PALB2: variants seen among roughly 807,000 people sequenced by gnomAD.
The protein encoded by PALB2 is partner and localizer of BRCA2, also known as mutant partner and localizer of BRCA2.
In PALB2, 82 loss-of-function variants were observed where a neutral mutation model predicts 107.4. That is an observed-to-expected ratio of 0.76 (90% CI 0.64 to 0.92). The LOEUF is 0.92. PALB2 is among the 40% of genes least tolerant of loss of function. The pLI is 0.00. For synonymous variants in PALB2, 489 were observed against 496.8 expected (o/e 0.98, Z 0.21); for missense variants, 1,374 against 1,379.9 (o/e 1.00, Z 0.07).
At chr16:23,614,996 C>G (rs1461673416) in intron 10 of PALB2, among the ~76,000 whole-genome samples, 1 of 138,774 alleles carries the variant, frequency 7.2e-6, no homozygotes, top group Non-Finnish European at 1.5e-5. Context: ...GTCACCCAGG[C>G]TGAGTGCAGT....
rs1411473287 is a variant in PALB2, at chr16:23,620,749, GGTAAGTCAA to G, written c.3113+604_3113+612del. 2.6e-5 allele frequency among the ~76,000 whole-genome samples: 4 copies of G among 152,022 alleles called. No homozygotes were observed. The East Asian group carries it at 7.7e-4, about 29-fold the overall frequency. On this transcript the variant is annotated intron_variant, in intron 10 of 12. Coordinates refer to ENST00000261584, the MANE Select transcript of PALB2 (RefSeq NM_024675.4). ...ATGTCTCAATTAATATGATGTTGTT[GGTAAGTCAA>G]GTATATAGTATCTGACAAAAAAACC...
At chr16:23,619,119 A>C (rs1250826373) in intron 10 of PALB2, among the ~76,000 whole-genome samples, 1 of 152,216 alleles carries the variant, frequency 6.6e-6, no homozygotes, top group Non-Finnish European at 1.5e-5. Flanking sequence ...GGTCACACTA[A>C]TATAACTTCC....
chr16:23,639,543 G>T (rs991205192), intron 1 of PALB2, among the ~76,000 whole-genome samples: 2 of 149,324 alleles, frequency 1.3e-5, no homozygotes, highest in Non-Finnish European at 3.0e-5. Flanking sequence ...AAAAAGGCCG[G>T]GTGCAGTGGC....
At chr16:23,618,766 T>C (rs1966725241) in intron 10 of PALB2, among the ~76,000 whole-genome samples, 1 of 152,120 alleles carries the variant, frequency 6.6e-6, no homozygotes, top group Non-Finnish European at 1.5e-5. Context: ...AGGAGACAGA[T>C]AATGAAGGTG....
At chr16:23,615,376 C>T (rs1361009676) in intron 10 of PALB2, among the ~76,000 whole-genome samples, 1 of 152,178 alleles carries the variant, frequency 6.6e-6, no homozygotes, top group Admixed American at 6.6e-5. Context: ...GTGATCATGA[C>T]TCACCGTAGC....
At chr16:23,609,946 G>A (rs1334182074) in intron 11 of PALB2, among the ~76,000 whole-genome samples, 2 of 152,114 alleles carry the variant, frequency 1.3e-5, no homozygotes, top group Non-Finnish European at 2.9e-5. Context: ...CCAAAGCACT[G>A]GAATTACAGC....
rs1966853060 is a variant in PALB2, at chr16:23,629,061, A to T, written c.2586+143T>A. On this transcript the variant is annotated intron_variant, in intron 6 of 12. Coordinates refer to ENST00000261584, the MANE Select transcript of PALB2 (RefSeq NM_024675.4). ...GAGGTAAATATTGGGAAAAATAACC[A>T]ATCCAAATCTGTTTTTCTGAATCTG... 11 of 718,172 alleles carry T rather than the reference A, an allele frequency of 1.5e-5. No individual in the cohort carries two copies. In the East Asian group the frequency reaches 3.0e-4, roughly 19 times the overall value. The allele number at this position is 718,172 out of a possible 1,614,324, so 44.5% of individuals were successfully genotyped here. A position where few individuals can be genotyped will look rare whatever the true frequency, so the allele number is the denominator to read the frequency against.
At chr16:23,604,548 C>T (rs1161483900) in intron 12 of PALB2, among the ~76,000 whole-genome samples, 1 of 152,148 alleles carries the variant, frequency 6.6e-6, no homozygotes, top group Non-Finnish European at 1.5e-5. Context: ...GGGTGGATCA[C>T]CTGAGGTTGG....
intron 6 of PALB2, among the ~76,000 whole-genome samples, chr16:23,628,725 T>C (rs1966852055): frequency 6.6e-6 from 1 of 151,694 alleles, no homozygotes; most frequent in African/African-American, 2.4e-5. Flanking sequence ...AACGTCTGTC[T>C]CCCAGTTCAA....
In PALB2 at chr16:23,629,799, TGG is replaced by T. The variant is rs2142374907; in HGVS notation, c.2353_2354del (p.Pro785ThrfsTer16). 1 of 1,614,212 alleles carries T rather than the reference TGG, an allele frequency of 6.2e-7. No individual in the cohort carries two copies. The highest frequency in any genetic ancestry group is 1.1e-5 in the South Asian group (1 of 91,082). On this transcript the variant is annotated frameshift_variant, in exon 5 of 13. Coordinates refer to ENST00000261584, the MANE Select transcript of PALB2 (RefSeq NM_024675.4). LOFTEE classifies it high-confidence loss of function. ...QFDSSGSPAK[P>X]HTTLQVSGRQ... ...TGCCTGACACTTGCAGGGTGGTATGTGGTTTTGCTGGGCTGCCTGAACTGTCG... is the reference window on the plus strand; with the variant it reads ...TGCCTGACACTTGCAGGGTGGTATGTTTTTGCTGGGCTGCCTGAACTGTCG...
chr16:23,613,930 G>T, intron 11 of PALB2, 74 bp downstream of exon 11: 1 of 1,118,510 alleles, frequency 8.9e-7, no homozygotes. Flanking sequence ...GTTCATTACT[G>T]CTTATGACTT....
rs559280197 is a variant in PALB2, at chr16:23,641,294, A to G, written c.-137T>C. The G allele has an allele frequency of 3.3e-6, 4 of 1,211,126 alleles. No individual in the cohort carries two copies. In the Admixed American group the frequency reaches 8.8e-5, roughly 27 times the overall value. The allele number at this position is 1,211,126 out of a possible 1,614,324, so 75.0% of individuals were successfully genotyped here. ...GGGATCGCACCCTCAGTGCGCGATC[A>G]GCTGACCCACGCGGGCCAAGCGCGC... On this transcript the variant is annotated 5_prime_UTR_variant, in exon 1 of 13. Coordinates refer to ENST00000261584, the MANE Select transcript of PALB2 (RefSeq NM_024675.4).
intron 4 of PALB2, among the ~76,000 whole-genome samples, chr16:23,633,341 G>A (rs1048466044): frequency 2.6e-5 from 4 of 152,118 alleles, no homozygotes; most frequent in African/African-American, 7.2e-5. Flanking sequence ...TGCATATAAA[G>A]GTGCGTTGGA....
At position 23,629,932 on chromosome 16, in the gene PALB2, C is replaced by T. The variant is rs755907224; in HGVS notation, c.2222G>A (p.Gly741Asp). The T allele has an allele frequency of 6.2e-7, 1 of 1,614,070 alleles. No individual in the cohort carries two copies. Among genetic ancestry groups the T allele is most frequent in the East Asian group, 2.2e-5 (1 of 44,880 alleles). Residue 741 changes from glycine (G) to aspartate (D), a missense_variant, in exon 5 of 13, where the codon GGC becomes GAC. Physicochemically the swap from Gly to Asp is moderately conservative, Grantham distance 94. Transcript: ENST00000261584. The part of the protein sequence containing the change: ...LGTTPAFGPQ[G>D]SYEKASTEVA... ...TTCTGTAGATGCTTTTTCATAGGAG[C>T]CTTGAGGGCCAAAGGCTGGAGTAGT... is the stretch of plus-strand genomic sequence containing the variant.
chr16:23,610,354 G>A (rs1247524601), intron 11 of PALB2, among the ~76,000 whole-genome samples: 5 of 149,802 alleles, frequency 3.3e-5, no homozygotes, highest in Admixed American at 2.7e-4. Flanking sequence ...TTTTCGCCAG[G>A]CTGGAGTGCA....
At chr16:23,604,734 C>G (rs1449378943) in intron 12 of PALB2, among the ~76,000 whole-genome samples, 1 of 150,876 alleles carries the variant, frequency 6.6e-6, no homozygotes, top group African/African-American at 2.4e-5. Flanking sequence ...CCACTGCACT[C>G]CAACCTGGGC....
At position 23,633,950 on chromosome 16, in the gene PALB2, C is replaced by T. The variant is rs373803236; in HGVS notation, c.1684+912G>A. ...TCTCAAACTCCTGGGCTCAAGCAATCCTCCCACCTTGGCCTCCCGAAGTGC... is the reference window on the plus strand; with the variant it reads ...TCTCAAACTCCTGGGCTCAAGCAATTCTCCCACCTTGGCCTCCCGAAGTGC... On this transcript the variant is annotated intron_variant, in intron 4 of 12. Transcript: ENST00000261584. Among the ~76,000 whole-genome samples the T allele has an allele frequency of 1.3e-4, 20 of 152,228 alleles. No individual in the cohort carries two copies. The East Asian group carries it at 1.5e-3, about 12-fold the overall frequency.
In PALB2 at chr16:23,641,222, A is replaced by C. The variant is rs1967241542; in HGVS notation, c.-65T>G. 13 of 1,585,912 alleles carry C rather than the reference A, an allele frequency of 8.2e-6. No homozygotes were observed. The highest frequency in any genetic ancestry group is 1.0e-5 in the Non-Finnish European group (12 of 1,165,178). On this transcript the variant is annotated 5_prime_UTR_variant, in exon 1 of 13. Coordinates refer to ENST00000261584, the MANE Select transcript of PALB2 (RefSeq NM_024675.4). ...CCCAGGCCTGCCGACACCGGGACCC[A>C]GTTGGCCCTGGGCCGGGGAGGCGCC...
In PALB2 at chr16:23,637,836, T is replaced by C. The variant is rs1057520341; in HGVS notation, c.211+14A>G. On this transcript the variant is annotated intron_variant, in intron 3 of 12. Coordinates refer to ENST00000261584, the MANE Select transcript of PALB2 (RefSeq NM_024675.4). ...GAATAATAAAGCAGGCATAAGTGAA[T>C]GGTCTAGATTTACCTGAGTGTTTTA... 1.9e-6 allele frequency: 3 copies of C among 1,584,522 alleles called. No homozygotes were observed. Among genetic ancestry groups the C allele is most frequent in the Non-Finnish European group, 2.6e-6 (3 of 1,153,206 alleles).
Sources: gnomAD v4.1 joint callset for allele counts (sites outside exome capture counted in the v4.1 genomes callset) on GRCh38, gnomAD v4.1.1 for gene constraint, MANE v1.5 for transcripts, NCBI Gene and HGNC (gene_info 2026-07-23, HGNC 2026-07-21) for gene names.